The following PLCE1 variants were observed in gnomAD, a reference collection of about 807,000 sequenced individuals.
PLCE1 encodes phospholipase C epsilon 1.
Under a neutral mutation model 242.8 loss-of-function variants are expected in PLCE1, and 119 were observed. The ratio of observed to expected loss-of-function variants is 0.49; its 90% CI spans 0.42 to 0.57. The LOEUF (loss-of-function observed/expected upper bound fraction) is 0.57. Ranked by LOEUF, PLCE1 falls within the 20% of genes least tolerant of loss-of-function variation. PLCE1 has a pLI of 0.00. For missense variants in PLCE1, 2,441 were observed against 2,788.8 expected (o/e 0.88, Z 2.81); for synonymous variants, 945 against 1,017.4 (o/e 0.93, Z 1.35).
chr10:94,267,174 A>G (rs1359750339), intron 16 of PLCE1, among the ~76,000 whole-genome samples: 1 of 152,248 alleles, frequency 6.6e-6, no homozygotes, highest in Non-Finnish European at 1.5e-5. Context: ...AGGTACACAC[A>G]TATACATGCG....
intron 3 of PLCE1, among the ~76,000 whole-genome samples, chr10:94,134,637 G>A (rs2046709186): frequency 6.6e-6 from 1 of 152,116 alleles, no homozygotes; most frequent in African/African-American, 2.4e-5. Context: ...AGGAAGAAAC[G>A]GATCTCTAGG....
At chr10:94,321,538 G>A (rs992177229) in intron 29 of PLCE1, among the ~76,000 whole-genome samples, 10 of 150,648 alleles carry the variant, frequency 6.6e-5, no homozygotes, top group African/African-American at 2.0e-4. Flanking sequence ...TGAGGCAGGA[G>A]AATTGCTTGA....
intron 2 of PLCE1, chr10:94,107,649 G>T (rs145083446): frequency 9.2e-5 from 14 of 152,138 alleles, no homozygotes; most frequent in African/African-American, 3.1e-4. Flanking sequence ...CAACTGCATG[G>T]TAATACATTG....
intron 7 of PLCE1, among the ~76,000 whole-genome samples, chr10:94,242,389 C>T (rs146698683): frequency 1.3e-5 from 2 of 152,254 alleles, no homozygotes; most frequent in Admixed American, 6.5e-5. Context: ...CTGCTCACTA[C>T]AAGCTCAGCC....
At chr10:94,082,934 A>G (rs994748966) in intron 2 of PLCE1, among the ~76,000 whole-genome samples, 4 of 152,232 alleles carry the variant, frequency 2.6e-5, no homozygotes, top group Non-Finnish European at 5.9e-5. Context: ...TGTGAAGCAA[A>G]AATACAGAGA....
At chr10:94,026,463 A>T (rs2061454644) in intron 1 of PLCE1, among the ~76,000 whole-genome samples, 1 of 152,076 alleles carries the variant, frequency 6.6e-6, no homozygotes, top group Non-Finnish European at 1.5e-5. Flanking sequence ...CCCTTTTTCC[A>T]TCTTTTTCTT....
intron 4 of PLCE1, among the ~76,000 whole-genome samples, chr10:94,221,724 A>G (rs1167355157): frequency 2.0e-5 from 3 of 152,166 alleles, no homozygotes; most frequent in Admixed American, 6.5e-5. Context: ...ACAAGAGGGA[A>G]GTTCTGTCTA....
rs564104518 is a variant in PLCE1 at position 94,315,265 on chromosome 10, C to T, written c.6133-1282C>T. The T allele has an allele frequency of 4.1e-4, 153 of 372,950 alleles. 1 individual carries two copies. The highest frequency in any genetic ancestry group is 2.9e-3 in the African/African-American group (136 of 47,442). The allele number at this position is 372,950 out of a possible 1,614,324, so 23.1% of individuals were successfully genotyped here. A position where few individuals can be genotyped will look rare whatever the true frequency, so the allele number is the denominator to read the frequency against. Reference sequence around the variant, plus strand: ...ACTGCCCTCAGTCCATCACATTCTGCTTTTCCTCCTGGTGAGATGTGTTCG... The same window carrying T: ...ACTGCCCTCAGTCCATCACATTCTGTTTTTCCTCCTGGTGAGATGTGTTCG... On this transcript the variant is annotated intron_variant, in intron 28 of 32. Coordinates refer to ENST00000371380, the MANE Select transcript of PLCE1 (RefSeq NM_016341.4).
intron 1 of PLCE1, among the ~76,000 whole-genome samples, chr10:94,018,848 C>G (rs1336892381): frequency 6.6e-6 from 1 of 152,118 alleles, no homozygotes; most frequent in East Asian, 1.9e-4. Flanking sequence ...ATTTAGCTTC[C>G]TGCACTGGAT....
At chr10:94,058,791 A>C (rs1464062846) in intron 2 of PLCE1, among the ~76,000 whole-genome samples, 1 of 152,180 alleles carries the variant, frequency 6.6e-6, no homozygotes, top group African/African-American at 2.4e-5. Flanking sequence ...GCATTCTATC[A>C]TTTACTTTAT....
chr10:94,263,128 C>A (rs2051369755), intron 14 of PLCE1, among the ~76,000 whole-genome samples: 1 of 152,082 alleles, frequency 6.6e-6, no homozygotes, highest in Non-Finnish European at 1.5e-5. Context: ...CCTCGGCCTC[C>A]CAAAGTGCTG....
chr10:94,061,371 A>T (rs1448946897), intron 2 of PLCE1, among the ~76,000 whole-genome samples: 2 of 152,238 alleles, frequency 1.3e-5, no homozygotes, highest in African/African-American at 4.8e-5. Context: ...GCAAACCCAT[A>T]CTATGAATCT....
intron 5 of PLCE1, among the ~76,000 whole-genome samples, chr10:94,228,142 T>C (rs1430543640): frequency 6.6e-6 from 1 of 152,252 alleles, no homozygotes; most frequent in Non-Finnish European, 1.5e-5. Context: ...CCTGTTCTTA[T>C]GCTTTTTCCA....
At chr10:94,248,876 T>C (rs1160308896) in intron 8 of PLCE1, among the ~76,000 whole-genome samples, 1 of 152,182 alleles carries the variant, frequency 6.6e-6, no homozygotes, top group Non-Finnish European at 1.5e-5. Flanking sequence ...ACTGAATTAA[T>C]ACATAAGAGG....
chr10:94,040,459 A>G (rs1007713286), intron 2 of PLCE1, among the ~76,000 whole-genome samples: 6 of 152,106 alleles, frequency 3.9e-5, no homozygotes, highest in African/African-American at 1.4e-4. Flanking sequence ...GACATCATCC[A>G]ACACAGTGAT....
intron 2 of PLCE1, among the ~76,000 whole-genome samples, chr10:94,090,014 T>G (rs2045000611): frequency 6.6e-6 from 1 of 152,196 alleles, no homozygotes; most frequent in Non-Finnish European, 1.5e-5. Context: ...TAAATGTCCA[T>G]AGTTTTGGGA....
chr10:94,121,745 G>A (rs2135777293), intron 2 of PLCE1, among the ~76,000 whole-genome samples: 1 of 152,216 alleles, frequency 6.6e-6, no homozygotes, highest in African/African-American at 2.4e-5. Context: ...CATTAGAGAT[G>A]GCATCTCTGC....
intron 32 of PLCE1, among the ~76,000 whole-genome samples, chr10:94,325,914 C>T (rs987189026): frequency 2.6e-5 from 4 of 152,246 alleles, no homozygotes; most frequent in Middle Eastern, 6.8e-3. Context: ...AAAAATCTGG[C>T]ATCCGGGATG....
At chr10:94,011,510 G>T (rs918032231) in intron 1 of PLCE1, among the ~76,000 whole-genome samples, 1 of 152,082 alleles carries the variant, frequency 6.6e-6, no homozygotes, top group Non-Finnish European at 1.5e-5. Flanking sequence ...ACAACAGGAC[G>T]CTGTCAGTGC....
Sources: allele counts gnomAD v4.1 joint callset (sites outside exome capture counted in the v4.1 genomes callset), GRCh38; gene constraint gnomAD v4.1.1; transcripts MANE v1.5; gene names NCBI Gene and HGNC (gene_info 2026-07-23, HGNC 2026-07-21).